IQANK1: variants seen among roughly 807,000 people sequenced by gnomAD.
IQANK1 encodes the protein IQ motif and ankyrin repeat domain-containing protein 1.
Under a neutral mutation model 22.6 loss-of-function variants are expected in IQANK1, and 30 were observed. The ratio of observed to expected loss-of-function variants is 1.33; its 90% CI spans 0.99 to 1.80. The LOEUF is 1.80. Among genes scored for constraint, IQANK1 ranks in the 40% most tolerant of loss-of-function variants. IQANK1 has a pLI of 0.00. For missense variants in IQANK1, 275 were observed against 235.2 expected (o/e 1.17, Z -1.11); for synonymous variants, 122 against 99.6 (o/e 1.23, Z -1.34).
chr8:143,741,418 C>T (rs1554626475), intron 3 of IQANK1, among the ~76,000 whole-genome samples: 2 of 152,202 alleles, frequency 1.3e-5, no homozygotes, highest in East Asian at 1.9e-4. Flanking sequence ...CACCAAGACA[C>T]AGGGAGCCCC....
At chr8:143,788,249 G>A (rs187753615) in intron 7 of IQANK1, among the ~76,000 whole-genome samples, 12 of 152,220 alleles carry the variant, frequency 7.9e-5, no homozygotes, top group South Asian at 2.1e-4. Context: ...GCCACCAGGC[G>A]CATGTGGACC....
In IQANK1 at chr8:143,735,830, C is replaced by T. The variant is rs782031268; in HGVS notation, c.-4-20C>T. The T allele has an allele frequency of 4.3e-6, 3 of 702,474 alleles. No individual in the cohort carries two copies. The South Asian group carries it at 4.4e-5, about 10-fold the overall frequency. 43.5% of individuals were successfully genotyped at this position (702,474 alleles called of 1,614,324 possible). A position where few individuals can be genotyped will look rare whatever the true frequency, so the allele number is the denominator to read the frequency against. On this transcript the variant is annotated intron_variant, in intron 1 of 13. Coordinates refer to ENST00000527139, the MANE Select transcript of IQANK1 (RefSeq NM_001381874.1). The surrounding 1 kb of genome is among the most constrained non-coding windows in gnomAD (Gnocchi z 5.2). ...CACTCTGAGCACCCTCTCCCTGGTC[C>T]TTCCCTACCCACCCCCCAGGAGAAT...
chr8:143,789,747 G>A lies in IQANK1; in HGVS notation c.1087-14G>A. On this transcript the variant is annotated splice_polypyrimidine_tract_variant and intron_variant, in intron 10 of 13. Transcript: ENST00000527139. ...GGGGCAGGGCAAGCAAGTCAGTGTG[G>A]CCTCCTCCTCCAGGCCATCAAGGAC... 8.1e-7 allele frequency: 1 copy of A among 1,231,820 alleles called. No homozygotes were observed. The highest frequency in any genetic ancestry group is 1.0e-6 in the Non-Finnish European group (1 of 987,842). The allele number at this position is 1,231,820 out of a possible 1,614,324, so 76.3% of individuals were successfully genotyped here. A position where few individuals can be genotyped will look rare whatever the true frequency, so the allele number is the denominator to read the frequency against.
chr8:143,763,876 G>C (rs1362776835), intron 3 of IQANK1, among the ~76,000 whole-genome samples: 1 of 152,246 alleles, frequency 6.6e-6, no homozygotes, highest in African/African-American at 2.4e-5. Flanking sequence ...CCTAGGGGCA[G>C]GCAGAGTGGT....
intron 3 of IQANK1, among the ~76,000 whole-genome samples, chr8:143,741,261 C>T (rs1361910620): frequency 3.3e-5 from 5 of 152,220 alleles, no homozygotes; most frequent in South Asian, 2.1e-4. Flanking sequence ...GGGCCTCAGC[C>T]GCTCTGCGGG....
rs1587479242 is a variant in IQANK1 at position 143,753,504 on chromosome 8, A to G, written c.175+13556A>G. Among the ~76,000 whole-genome samples the G allele has an allele frequency of 4.3e-5, 6 of 138,542 alleles. No homozygotes were observed. The Middle Eastern group carries it at 0.023, about 530-fold the overall frequency. The allele number at this position is 138,542 out of a possible 152,430, so 90.9% of individuals were successfully genotyped here. A position where few individuals can be genotyped will look rare whatever the true frequency, so the allele number is the denominator to read the frequency against. On this transcript the variant is annotated intron_variant, in intron 3 of 13. Transcript: ENST00000527139. ...ACGGAGTCTCGCTGTCTCAGGCTGG[A>G]GTGCAGTGGCATGATCTCGGCTCAC...
At chr8:143,751,714 A>G (rs1819198154) in intron 3 of IQANK1, among the ~76,000 whole-genome samples, 1 of 141,932 alleles carries the variant, frequency 7.0e-6, no homozygotes, top group East Asian at 2.0e-4. Context: ...CTTAGAAGTT[A>G]CCCACATGTT....
intron 7 of IQANK1, among the ~76,000 whole-genome samples, chr8:143,779,569 CTCAT>C (rs35940538): frequency 0.38 from 57,330 of 151,798 alleles, 13,995 homozygotes; most frequent in Non-Finnish European, 0.55. Context: ...CATTAATTTA[CTCAT>C]TCATTCATCA....
intron 3 of IQANK1, among the ~76,000 whole-genome samples, chr8:143,764,987 T>G (rs1819459920): frequency 6.6e-6 from 1 of 152,204 alleles, no homozygotes; most frequent in African/African-American, 2.4e-5. Flanking sequence ...AATCCACTCT[T>G]ACAAATGTGT....
At chr8:143,768,468 C>A (rs1205755858) in intron 3 of IQANK1, among the ~76,000 whole-genome samples, 2 of 152,052 alleles carry the variant, frequency 1.3e-5, no homozygotes, top group Non-Finnish European at 1.5e-5. Context: ...AAGAGAAATT[C>A]TGCTTCTCTT....
In IQANK1 at chr8:143,751,662, G is replaced by GTATATATA. The variant is rs1187068578; in HGVS notation, c.175+11715_175+11716insATATATAT. On this transcript the variant is annotated intron_variant, in intron 3 of 13. Transcript: ENST00000527139. ...TGTGTGTGTGTGTGTGTGTGTGTGTGTGTATATATATATATAAAATCCTAT... is the reference window on the plus strand; with the variant it reads ...TGTGTGTGTGTGTGTGTGTGTGTGTGTATATATATGTATATATATATATAAAATCCTAT... 8.8e-4 allele frequency among the ~76,000 whole-genome samples: 48 copies of GTATATATA among 54,302 alleles called. 1 individual carries two copies. Among genetic ancestry groups the GTATATATA allele is most frequent in the African/African-American group, 1.9e-3 (43 of 22,196 alleles). The allele number at this position is 54,302 out of a possible 152,430, so 35.6% of individuals were successfully genotyped here.
At chr8:143,743,188 C>T in intron 3 of IQANK1, 2 of 373,560 alleles carry the variant, frequency 5.4e-6, no homozygotes, top group South Asian at 1.9e-5. Flanking sequence ...CCACTTCTGC[C>T]TCCCTCTTCC....
chr8:143,749,772 G>A (rs963602519), intron 3 of IQANK1, among the ~76,000 whole-genome samples: 5 of 149,386 alleles, frequency 3.3e-5, no homozygotes, highest in South Asian at 4.2e-4. Context: ...CCTGTTGGCC[G>A]GGGTGGTCTC....
chr8:143,779,397 GAATTCATCCATC>G (rs570193551), intron 7 of IQANK1, among the ~76,000 whole-genome samples: 32 of 152,270 alleles, frequency 2.1e-4, no homozygotes, highest in Middle Eastern at 3.4e-3. Context: ...GTTGAACGAT[GAATTCATCCATC>G]AATTCATCCA....
intron 3 of IQANK1, among the ~76,000 whole-genome samples, chr8:143,751,652 G>C (rs371383419): frequency 3.0e-5 from 1 of 33,326 alleles, no homozygotes; most frequent in Non-Finnish European, 9.7e-5. Flanking sequence ...GTGTGTGTGT[G>C]TGTGTGTGTG....
intron 3 of IQANK1, chr8:143,745,770 C>T (rs1819015678): frequency 6.6e-6 from 1 of 152,096 alleles, no homozygotes; most frequent in Admixed American, 6.6e-5. Flanking sequence ...CTTTCTCTGT[C>T]ACCCAGGATG....
chr8:143,778,199 CAA>C (rs71318625), intron 7 of IQANK1, among the ~76,000 whole-genome samples: 114 of 146,324 alleles, frequency 7.8e-4, no homozygotes, highest in African/African-American at 1.0e-3. Flanking sequence ...CGTCTCAAAA[CAA>C]AAAAAAAAAA....
At chr8:143,766,200 TG>T (rs1356828256) in intron 3 of IQANK1, among the ~76,000 whole-genome samples, 5 of 152,230 alleles carry the variant, frequency 3.3e-5, no homozygotes, top group African/African-American at 4.8e-5. Flanking sequence ...GGTAGGCTCT[TG>T]TGTGCATTCA....
intron 3 of IQANK1, among the ~76,000 whole-genome samples, chr8:143,756,684 A>G (rs993569218): frequency 1.3e-5 from 2 of 151,928 alleles, no homozygotes; most frequent in African/African-American, 2.4e-5. Flanking sequence ...TTTTTTCTCA[A>G]AAGAATAGCT....
Sources: allele counts gnomAD v4.1 joint callset (sites outside exome capture counted in the v4.1 genomes callset), GRCh38; gene constraint gnomAD v4.1.1; non-coding constraint Gnocchi (gnomAD v3.1); transcripts MANE v1.5; gene names NCBI Gene and HGNC (gene_info 2026-07-23, HGNC 2026-07-21).